The following ELAVL4 variants were observed in gnomAD, a reference collection of about 807,000 sequenced individuals.
ELAVL4 encodes the protein ELAV-like protein 4.
Under a neutral mutation model 35.6 loss-of-function variants are expected in ELAVL4, and 1 was observed. The ratio of observed to expected loss-of-function variants is 0.03; its 90% CI spans 0.01 to 0.13. ELAVL4 has a LOEUF of 0.13. Ranked by LOEUF, ELAVL4 falls within the 10% of genes least tolerant of loss-of-function variation. The probability of loss-of-function intolerance (pLI) is 1.00; values close to 1 mark genes in which losing one functional copy is unlikely to be tolerated. For missense variants in ELAVL4, 267 were observed against 464.9 expected (o/e 0.57, Z 3.91); for synonymous variants, 156 against 171.0 (o/e 0.91, Z 0.69).
At position 50,109,067 on chromosome 1, in the gene ELAVL4, TG is replaced by T; in HGVS notation, c.-122del. The stretch of plus-strand genomic sequence containing the variant: ...TGATTTGCTTTACAATCATCCACAC[TG>T]TGTTTTGTGGATCTTTAATTATATA... On this transcript the variant is annotated 5_prime_UTR_variant, in exon 1 of 7. Transcript: ENST00000371824. The T allele has an allele frequency of 4.8e-6, 4 of 841,840 alleles. No homozygotes were observed. Among genetic ancestry groups the T allele is most frequent in the Non-Finnish European group, 5.7e-6 (4 of 700,558 alleles). 52.1% of individuals were successfully genotyped at this position (841,840 alleles called of 1,614,324 possible).
chr1:50,160,478 C>T (rs1319200849), intron 2 of ELAVL4, among the ~76,000 whole-genome samples: 1 of 152,034 alleles, frequency 6.6e-6, no homozygotes, highest in Non-Finnish European at 1.5e-5. Context: ...TTGTTGAAAT[C>T]AAACTAAGAT....
At chr1:50,111,354 G>A (rs531899914) in intron 1 of ELAVL4, among the ~76,000 whole-genome samples, 14 of 151,606 alleles carry the variant, frequency 9.2e-5, no homozygotes, top group South Asian at 2.1e-4. Flanking sequence ...TGAAGTTGAC[G>A]GAAGCATAAT....
chr1:50,127,348 G>A (rs1572293541), intron 1 of ELAVL4, among the ~76,000 whole-genome samples: 1 of 152,268 alleles, frequency 6.6e-6, no homozygotes, highest in African/African-American at 2.4e-5. Context: ...TCAATATAGG[G>A]TGGTAAGTAC....
chr1:50,156,534 G>A (rs1395383528), intron 2 of ELAVL4, among the ~76,000 whole-genome samples: 1 of 152,180 alleles, frequency 6.6e-6, no homozygotes, highest in Non-Finnish European at 1.5e-5. Flanking sequence ...GGAAGTAGGA[G>A]ATGGCATCTG....
intron 1 of ELAVL4, among the ~76,000 whole-genome samples, chr1:50,132,276 G>T (rs1288999207): frequency 6.6e-6 from 1 of 152,170 alleles, no homozygotes; most frequent in East Asian, 1.9e-4. Flanking sequence ...ACAGAACAGA[G>T]ATCAGGGAAA....
At chr1:50,141,189 T>G (rs1015466421) in intron 1 of ELAVL4, among the ~76,000 whole-genome samples, 1 of 152,164 alleles carries the variant, frequency 6.6e-6, no homozygotes, top group Non-Finnish European at 1.5e-5. Flanking sequence ...TGAGTTTTGG[T>G]CCCACAGAAT....
At chr1:50,195,508 G>A (rs1219167951) in intron 4 of ELAVL4, 53 bp from the exon 5 acceptor site, 30 of 1,591,538 alleles carry the variant, frequency 1.9e-5, no homozygotes, top group East Asian at 2.2e-5. Flanking sequence ...TCCCAAAGAT[G>A]TTTACCAGTT....
At chr1:50,089,257 C>G (rs751037356) in intron 1 of ELAVL4, among the ~76,000 whole-genome samples, 1 of 152,110 alleles carries the variant, frequency 6.6e-6, no homozygotes, top group African/African-American at 2.4e-5. Context: ...GCTACAGGAG[C>G]AGAGAGGAGG....
At chr1:50,141,597 T>C (rs1311538972) in intron 1 of ELAVL4, among the ~76,000 whole-genome samples, 1 of 152,160 alleles carries the variant, frequency 6.6e-6, no homozygotes, top group African/African-American at 2.4e-5. Context: ...ATGCCATCCC[T>C]TTAGCATGCC....
At chr1:50,069,526 G>C (rs1010247187) in intron 1 of ELAVL4, among the ~76,000 whole-genome samples, 3 of 152,130 alleles carry the variant, frequency 2.0e-5, no homozygotes, top group African/African-American at 7.2e-5. Flanking sequence ...CTCTGGCCCA[G>C]AGAAGTTGTT....
intron 1 of ELAVL4, among the ~76,000 whole-genome samples, chr1:50,125,932 T>C (rs1669833356): frequency 1.3e-5 from 2 of 152,130 alleles, no homozygotes; most frequent in South Asian, 4.1e-4. Context: ...GAGCCTCAGT[T>C]TCCTTATCTG....
At chr1:50,111,329 G>A (rs146889700) in intron 1 of ELAVL4, among the ~76,000 whole-genome samples, 11 of 151,722 alleles carry the variant, frequency 7.3e-5, no homozygotes, top group Non-Finnish European at 1.5e-4. Flanking sequence ...TTGAAAAAAT[G>A]TAAATTATAT....
At chr1:50,143,059 G>A (rs1673092136) in intron 1 of ELAVL4, among the ~76,000 whole-genome samples, 1 of 152,138 alleles carries the variant, frequency 6.6e-6, no homozygotes, top group South Asian at 2.1e-4. Context: ...CAAATCTGTG[G>A]ACTAGAATTC....
At chr1:50,165,043 C>A (rs1329864458) in intron 2 of ELAVL4, among the ~76,000 whole-genome samples, 1 of 152,130 alleles carries the variant, frequency 6.6e-6, no homozygotes, top group Non-Finnish European at 1.5e-5. Context: ...TGAGAATGTT[C>A]GCCTGATCTG....
At chr1:50,072,914 C>T (rs1354709855) in intron 1 of ELAVL4, among the ~76,000 whole-genome samples, 1 of 152,190 alleles carries the variant, frequency 6.6e-6, no homozygotes, top group African/African-American at 2.4e-5. Context: ...AACACCAGAG[C>T]TTGTCTGTTT....
intron 1 of ELAVL4, among the ~76,000 whole-genome samples, chr1:50,141,417 A>G (rs1672796010): frequency 6.6e-6 from 1 of 152,172 alleles, no homozygotes; most frequent in Non-Finnish European, 1.5e-5. Context: ...TCTGATTTTC[A>G]TGTTCATTAT....
chr1:50,084,449 T>A (rs1245354260), intron 1 of ELAVL4, among the ~76,000 whole-genome samples: 7 of 152,186 alleles, frequency 4.6e-5, no homozygotes, highest in Non-Finnish European at 5.9e-5. Context: ...AGTCTTTTTT[T>A]ATGCATATTT....
intron 2 of ELAVL4, among the ~76,000 whole-genome samples, chr1:50,167,538 C>T (rs561797897): frequency 3.3e-5 from 5 of 152,258 alleles, no homozygotes; most frequent in African/African-American, 7.2e-5. Flanking sequence ...CTAATCACCC[C>T]GAGGAATGGT....
intron 2 of ELAVL4, among the ~76,000 whole-genome samples, chr1:50,166,505 A>C (rs1171950682): frequency 1.3e-5 from 2 of 152,230 alleles, no homozygotes; most frequent in Non-Finnish European, 2.9e-5. Flanking sequence ...AGAAGGAGGA[A>C]ATACCCATGA....
Sources: gnomAD v4.1 joint callset for allele counts (sites outside exome capture counted in the v4.1 genomes callset) on GRCh38, gnomAD v4.1.1 for gene constraint, MANE v1.5 for transcripts, NCBI Gene and HGNC (gene_info 2026-07-23, HGNC 2026-07-21) for gene names.